Variants in RPS6KA1 observed in about 807,000 individuals in gnomAD.
RPS6KA1 encodes ribosomal protein S6 kinase A1.
RPS6KA1 carries 48 observed loss-of-function variants against 91.3 expected under a neutral mutation model. The observed-to-expected ratio is 0.53, with a 90% CI of 0.42 to 0.67. The LOEUF (loss-of-function observed/expected upper bound fraction) is 0.67, where lower values mean the gene tolerates loss of function less well. RPS6KA1 is among the 30% of genes least tolerant of loss of function. RPS6KA1 has a pLI of 0.00. For synonymous variants in RPS6KA1, 359 were observed against 384.7 expected, an observed-to-expected ratio of 0.93 and a Z score of 0.78; for missense variants, 719 against 960.5, an observed-to-expected ratio of 0.75 and a Z score of 3.32.
At chr1:26,560,681 G>A (rs1425046512) in intron 14 of RPS6KA1, 45 bp from the exon 15 acceptor site, 1 of 1,613,250 alleles carries the variant, frequency 6.2e-7, no homozygotes, top group African/African-American at 1.3e-5. Context: ...ATGACCCCTA[G>A]CACTCTAGAG....
intron 2 of RPS6KA1, chr1:26,545,859 C>T: frequency 1.3e-6 from 2 of 1,535,420 alleles, no homozygotes; most frequent in Non-Finnish European, 1.8e-6. Flanking sequence ...CAGCCCCGGA[C>T]TCTGCCTGCT....
At chr1:26,542,886 C>T (rs1260134358) in intron 2 of RPS6KA1, among the ~76,000 whole-genome samples, 1 of 152,174 alleles carries the variant, frequency 6.6e-6, no homozygotes, top group African/African-American at 2.4e-5. Context: ...TGCGTTATCG[C>T]CTTGTGACTT....
chr1:26,567,894 C>T (rs189768693), intron 17 of RPS6KA1, among the ~76,000 whole-genome samples: 7 of 152,224 alleles, frequency 4.6e-5, no homozygotes, highest in East Asian at 1.9e-4. Flanking sequence ...TGTTAAATGT[C>T]GTGCCCAAAA....
At chr1:26,534,409 A>T (rs542801702) in intron 1 of RPS6KA1, among the ~76,000 whole-genome samples, 2 of 152,264 alleles carry the variant, frequency 1.3e-5, no homozygotes, top group Admixed American at 1.3e-4. Context: ...AGGAAAGAAC[A>T]TGAGGCTGTG....
In RPS6KA1 at chr1:26,562,837, T is replaced by C. The variant is rs930141164; in HGVS notation, c.1590+1174T>C. 2.8e-4 allele frequency among the ~76,000 whole-genome samples: 39 copies of C among 139,374 alleles called. 1 individual carries two copies. Among genetic ancestry groups the C allele is most frequent in the Non-Finnish European group, 5.3e-4 (34 of 64,538 alleles). The allele number at this position is 139,374 out of a possible 152,430, so 91.4% of individuals were successfully genotyped here. Reference sequence around the variant, plus strand: ...TTCTCCTATTGTCCTTTTTTTTTTTTTTTTTTTTTTTTTTTGGAGATAGAG... The same window carrying C: ...TTCTCCTATTGTCCTTTTTTTTTTTCTTTTTTTTTTTTTTTGGAGATAGAG... On this transcript the variant is annotated intron_variant, in intron 17 of 21. Transcript: ENST00000374168.
At position 26,540,604 on chromosome 1, in the gene RPS6KA1, C is replaced by T. The variant is rs990848433; in HGVS notation, c.108+3635C>T. 6.6e-6 allele frequency among the ~76,000 whole-genome samples: 1 copy of T among 152,224 alleles called. No individual in the cohort carries two copies. The highest frequency in any genetic ancestry group is 1.5e-5 in the Non-Finnish European group (1 of 68,036). On this transcript the variant is annotated intron_variant, in intron 2 of 21. Coordinates refer to ENST00000374168, the MANE Select transcript of RPS6KA1 (RefSeq NM_002953.4). The surrounding 1 kb of genome is among the most constrained non-coding windows in gnomAD (Gnocchi z 4.2). ...TTTTGTTTTTGTTTTGAGGCAGGGC[C>T]TCCCTCTGTTGCCCAGGCTGGAGTG...
At chr1:26,567,286 A>G (rs1557514453) in intron 17 of RPS6KA1, among the ~76,000 whole-genome samples, 1 of 151,958 alleles carries the variant, frequency 6.6e-6, no homozygotes, top group Non-Finnish European at 1.5e-5. Flanking sequence ...TCAGCCTCCC[A>G]AACTGCTGAG....
At chr1:26,569,721 T>G (rs763412070) in intron 17 of RPS6KA1, among the ~76,000 whole-genome samples, 4 of 152,272 alleles carry the variant, frequency 2.6e-5, no homozygotes, top group Non-Finnish European at 5.9e-5. Flanking sequence ...ATTTGTTCAT[T>G]CATTGCACAA....
intron 2 of RPS6KA1, among the ~76,000 whole-genome samples, chr1:26,542,019 A>C (rs943482770): frequency 6.6e-6 from 1 of 152,178 alleles, no homozygotes; most frequent in African/African-American, 2.4e-5. Context: ...CCGCCACCAG[A>C]GGCCTCAGGG....
chr1:26,569,158 AGAC>A (rs2076228759), intron 17 of RPS6KA1, among the ~76,000 whole-genome samples: 2 of 144,196 alleles, frequency 1.4e-5, no homozygotes, highest in South Asian at 4.9e-4. Flanking sequence ...GCTGCTGGCG[AGAC>A]TCCATCTCAA....
intron 17 of RPS6KA1, among the ~76,000 whole-genome samples, chr1:26,565,382 C>T (rs183283675): frequency 1.8e-4 from 27 of 151,808 alleles, no homozygotes; most frequent in South Asian, 4.2e-4. Flanking sequence ...CAAATCACAA[C>T]GGACAAGTCA....
At chr1:26,569,523 C>A (rs181211502) in intron 17 of RPS6KA1, among the ~76,000 whole-genome samples, 1 of 152,192 alleles carries the variant, frequency 6.6e-6, no homozygotes, top group Non-Finnish European at 1.5e-5. Context: ...ATCTACCTGG[C>A]ACTCTTCTCC....
chr1:26,569,240 C>T (rs891770882), intron 17 of RPS6KA1, among the ~76,000 whole-genome samples: 3 of 151,908 alleles, frequency 2.0e-5, no homozygotes, highest in African/African-American at 4.8e-5. Flanking sequence ...GCTAATAATT[C>T]CTGTCCACCC....
Position 26,551,789 on chromosome 1 carries a change from C to A in RPS6KA1, c.468+66C>A. 2 of 1,366,410 alleles carry A rather than the reference C, an allele frequency of 1.5e-6. No individual in the cohort carries two copies. The highest frequency in any genetic ancestry group is 2.3e-5 in the East Asian group (1 of 43,602). The allele number at this position is 1,366,410 out of a possible 1,614,324, so 84.6% of individuals were successfully genotyped here. The stretch of plus-strand genomic sequence containing the variant: ...TGAGGGACGACAAGTCCTCCCATCC[C>A]AGGGCCCTGTACAGAATGTGTTTGG... On this transcript the variant is annotated intron_variant, in intron 6 of 21. Coordinates refer to ENST00000374168, the MANE Select transcript of RPS6KA1 (RefSeq NM_002953.4). This position sits in a 1 kb window ranked among gnomAD's most constrained non-coding sequence, Gnocchi z 4.5.
rs2076151926 is a variant in RPS6KA1, at chr1:26,561,247, G to A, written c.1431+113G>A. ...TCCTCTTTCCAGTGGTCATGTGGAGGGGAAGGAGGTCCCTTGGTCCCTTCA... is the reference window on the plus strand; with the variant it reads ...TCCTCTTTCCAGTGGTCATGTGGAGAGGAAGGAGGTCCCTTGGTCCCTTCA... On this transcript the variant is annotated intron_variant, in intron 16 of 21. Coordinates refer to ENST00000374168, the MANE Select transcript of RPS6KA1 (RefSeq NM_002953.4). This position sits in a 1 kb window ranked among gnomAD's most constrained non-coding sequence, Gnocchi z 5.7. 2 of 1,081,416 alleles carry A rather than the reference G, an allele frequency of 1.8e-6. No homozygotes were observed. Among genetic ancestry groups the A allele is most frequent in the Non-Finnish European group, 2.7e-6 (2 of 729,180 alleles). 67.0% of individuals were successfully genotyped at this position (1,081,416 alleles called of 1,614,324 possible). A position where few individuals can be genotyped will look rare whatever the true frequency, so the allele number is the denominator to read the frequency against.
intron 14 of RPS6KA1, 24 bp from the exon 15 acceptor site, chr1:26,560,702 G>T (rs745825580): frequency 6.2e-7 from 1 of 1,614,020 alleles, no homozygotes; most frequent in South Asian, 1.1e-5. Flanking sequence ...CCAGGGGTCA[G>T]CCACAATTTT....
chr1:26,535,063 C>T (rs2075896572), intron 1 of RPS6KA1, among the ~76,000 whole-genome samples: 1 of 152,048 alleles, frequency 6.6e-6, no homozygotes, highest in South Asian at 2.1e-4. Context: ...TGATCATCTG[C>T]AGGAATTATG....
At position 26,553,492 on chromosome 1, in the gene RPS6KA1, T is replaced by C. The variant is rs2076071976; in HGVS notation, c.570T>C (p.Pro190=). Residue 190 remains proline, a synonymous_variant, in exon 7 of 22, where the codon CCT becomes CCC. Transcript: ENST00000374168. ...SLGIIYRDLK[P]ENILLDEEGH... ...GTATCATTTACAGAGACCTCAAGCC[T>C]GAGAAGTGAGTGAAGCCTCCAGCCC... 2 of 1,605,104 alleles carry C rather than the reference T, an allele frequency of 1.2e-6. No individual in the cohort carries two copies. The highest frequency in any genetic ancestry group is 1.7e-6 in the Non-Finnish European group (2 of 1,173,600).
Position 26,558,728 on chromosome 1 carries a change from G to C in RPS6KA1, c.1085-79G>C, listed in dbSNP as rs113945805. ...CCCCTGAGGCAGGTCTGGAGGCCCT[G>C]TGCTCCCCCTTTGCTGGGCTGCCTC... On this transcript the variant is annotated intron_variant, in intron 13 of 21. Coordinates refer to ENST00000374168, the MANE Select transcript of RPS6KA1 (RefSeq NM_002953.4). The surrounding 1 kb of genome is among the most constrained non-coding windows in gnomAD (Gnocchi z 4.0). 15 of 1,524,628 alleles carry C rather than the reference G, an allele frequency of 9.8e-6. 1 individual carries two copies. The African/African-American group carries it at 1.2e-4, about 13-fold the overall frequency. 94.4% of individuals were successfully genotyped at this position (1,524,628 alleles called of 1,614,324 possible). A position where few individuals can be genotyped will look rare whatever the true frequency, so the allele number is the denominator to read the frequency against.
Sources: gnomAD v4.1 joint callset for allele counts (sites outside exome capture counted in the v4.1 genomes callset) on GRCh38, gnomAD v4.1.1 for gene constraint, Gnocchi (gnomAD v3.1) non-coding constraint, MANE v1.5 for transcripts, NCBI Gene and HGNC (gene_info 2026-07-23, HGNC 2026-07-21) for gene names.